INPP4A: variants seen among roughly 807,000 people sequenced by gnomAD.
The protein encoded by INPP4A is inositol polyphosphate-4-phosphatase type I A.
INPP4A carries 33 observed loss-of-function variants against 119.8 expected under a neutral mutation model. The ratio of observed to expected loss-of-function variants is 0.28; its 90% CI spans 0.21 to 0.37. The LOEUF (loss-of-function observed/expected upper bound fraction) is 0.37. Ranked by LOEUF, INPP4A falls within the 10% of genes least tolerant of loss-of-function variation. The probability of loss-of-function intolerance (pLI) is 1.00; values close to 1 mark genes in which losing one functional copy is unlikely to be tolerated. For synonymous variants in INPP4A, 496 were observed against 500.7 expected (o/e 0.99, Z 0.12); for missense variants, 956 against 1,289.9 (o/e 0.74, Z 3.97).
chr2:98,549,883 C>A (rs1693184884), intron 13 of INPP4A, among the ~76,000 whole-genome samples: 1 of 152,116 alleles, frequency 6.6e-6, no homozygotes, highest in African/African-American at 2.4e-5. Context: ...TGGAGCAGAC[C>A]CATGCTACTT....
At chr2:98,555,953 T>C (rs1245124570) in intron 16 of INPP4A, 145 bp downstream of exon 16, 2 of 953,276 alleles carry the variant, frequency 2.1e-6, no homozygotes, top group Non-Finnish European at 3.1e-6. Flanking sequence ...TCCCAGTGCA[T>C]GGAGCAGCAG....
chr2:98,590,173 T>G lies in INPP4A; in HGVS notation c.*2565T>G, dbSNP rs188974458. ...GATATTAAATGTGGTCTTGCCTGATTCATCCTATTAGGAGGACTAGTTCTA... is the reference window on the plus strand; with the variant it reads ...GATATTAAATGTGGTCTTGCCTGATGCATCCTATTAGGAGGACTAGTTCTA... On this transcript the variant is annotated 3_prime_UTR_variant, in exon 25 of 25. Coordinates refer to ENST00000409851, the MANE Select transcript of INPP4A (RefSeq NM_001134225.2). The G allele has an allele frequency of 4.9e-6, 1 of 203,128 alleles. No individual in the cohort carries two copies. Among genetic ancestry groups the G allele is most frequent in the Admixed American group, 6.0e-5 (1 of 16,726 alleles). 12.6% of individuals were successfully genotyped at this position (203,128 alleles called of 1,614,324 possible).
chr2:98,476,085 T>C (rs1346461527), intron 1 of INPP4A, among the ~76,000 whole-genome samples: 1 of 152,218 alleles, frequency 6.6e-6, no homozygotes, highest in Non-Finnish European at 1.5e-5. Context: ...TGAGTCAGAC[T>C]TGCCACATGA....
chr2:98,476,625 G>C (rs970304522), intron 1 of INPP4A, among the ~76,000 whole-genome samples: 1 of 152,158 alleles, frequency 6.6e-6, no homozygotes, highest in African/African-American at 2.4e-5. Flanking sequence ...TCCTGGCTCA[G>C]AGGGGAGTGA....
chr2:98,509,483 A>G (rs1354987300), intron 1 of INPP4A, among the ~76,000 whole-genome samples: 2 of 152,212 alleles, frequency 1.3e-5, no homozygotes, highest in African/African-American at 4.8e-5. Flanking sequence ...CCAGCCCCCC[A>G]AAATTGTCTT....
intron 16 of INPP4A, 66 bp downstream of exon 16, chr2:98,555,874 G>A (rs1305345945): frequency 1.3e-6 from 2 of 1,492,682 alleles, no homozygotes; most frequent in East Asian, 2.5e-5. Flanking sequence ...CCATTTGTCT[G>A]TGTCTCTGAC....
chr2:98,453,283 C>T (rs1695541019), intron 1 of INPP4A, among the ~76,000 whole-genome samples: 1 of 152,064 alleles, frequency 6.6e-6, no homozygotes, highest in Non-Finnish European at 1.5e-5. Context: ...AGGAAGGGCA[C>T]CTGAGGAGGA....
chr2:98,552,350 A>G (rs1306762015), intron 13 of INPP4A, among the ~76,000 whole-genome samples: 1 of 152,108 alleles, frequency 6.6e-6, no homozygotes, highest in Non-Finnish European at 1.5e-5. Flanking sequence ...GACAAAGTCT[A>G]ACACCCACTG....
chr2:98,551,847 C>T (rs1693581864), intron 13 of INPP4A, among the ~76,000 whole-genome samples: 1 of 152,232 alleles, frequency 6.6e-6, no homozygotes, highest in African/African-American at 2.4e-5. Context: ...TCTTCAGCTT[C>T]CTCAGATGGT....
chr2:98,504,873 A>G (rs544100287), intron 1 of INPP4A, among the ~76,000 whole-genome samples: 1 of 152,296 alleles, frequency 6.6e-6, no homozygotes, highest in African/African-American at 2.4e-5. Context: ...TGTGGTGTTA[A>G]TCTTCAGTGC....
At chr2:98,572,738 T>C in intron 22 of INPP4A, 77 bp from the exon 23 acceptor site, 2 of 932,646 alleles carry the variant, frequency 2.1e-6, no homozygotes, top group East Asian at 5.3e-5. Context: ...CCCCAGCAGC[T>C]CACTTGGGTG....
At chr2:98,532,846 G>A (rs1240807764) in intron 4 of INPP4A, among the ~76,000 whole-genome samples, 3 of 152,046 alleles carry the variant, frequency 2.0e-5, no homozygotes, top group Non-Finnish European at 4.4e-5. Flanking sequence ...AATGAACAAT[G>A]GCTCACTTAA....
rs144299785 is a variant in INPP4A at position 98,563,574 on chromosome 2, C to T, written c.1965C>T (p.Ser655=). 4.7e-4 allele frequency: 754 copies of T among 1,613,724 alleles called. No individual in the cohort carries two copies. In the African/African-American group the frequency reaches 6.6e-3, roughly 14 times the overall value. The change falls in exon 18 of 25, where the codon AGC becomes AGT. Residue 655 remains serine, a synonymous_variant. Coordinates refer to ENST00000409851, the MANE Select transcript of INPP4A (RefSeq NM_001134225.2). ...KAMVFLLMQD[S]APTIATYLSL... ...TGGTATTCCTGCTCATGCAGGACAG[C>T]GCGCCCACCATAGCCACCTACCTGA...
intron 1 of INPP4A, among the ~76,000 whole-genome samples, chr2:98,445,708 G>A (rs914696627): frequency 6.6e-6 from 1 of 152,298 alleles, no homozygotes. Flanking sequence ...AGGTAAATTT[G>A]TGTCTTTGTG....
chr2:98,520,856 C>A, intron 4 of INPP4A, 125 bp downstream of exon 4: 1 of 599,140 alleles, frequency 1.7e-6, no homozygotes, highest in Non-Finnish European at 2.9e-6. Context: ...ACTGCTGCAG[C>A]GTTTCTGAGA....
At chr2:98,561,303 C>T (rs920024925) in intron 17 of INPP4A, among the ~76,000 whole-genome samples, 1 of 152,214 alleles carries the variant, frequency 6.6e-6, no homozygotes, top group Non-Finnish European at 1.5e-5. Context: ...GATTTTTTCT[C>T]ATAACAAGGC....
chr2:98,460,164 A>G (rs940500270), intron 1 of INPP4A, among the ~76,000 whole-genome samples: 3 of 151,624 alleles, frequency 2.0e-5, no homozygotes, highest in Non-Finnish European at 4.4e-5. Context: ...AATTTTCCCC[A>G]TATACATGTA....
intron 1 of INPP4A, among the ~76,000 whole-genome samples, chr2:98,461,299 A>G (rs1457858253): frequency 6.6e-6 from 1 of 152,224 alleles, no homozygotes; most frequent in African/African-American, 2.4e-5. Context: ...GAAGGAGACA[A>G]GTCAGAGAAG....
At chr2:98,480,537 C>T (rs935162128) in intron 1 of INPP4A, among the ~76,000 whole-genome samples, 2 of 152,160 alleles carry the variant, frequency 1.3e-5, no homozygotes, top group African/African-American at 4.8e-5. Flanking sequence ...ACTGTGGTTC[C>T]CCTGCACTGA....
Sources: allele counts gnomAD v4.1 joint callset (sites outside exome capture counted in the v4.1 genomes callset), GRCh38; gene constraint gnomAD v4.1.1; transcripts MANE v1.5; gene names NCBI Gene and HGNC (gene_info 2026-07-23, HGNC 2026-07-21).